The following CNTN6 variants were observed in gnomAD, a reference collection of about 807,000 sequenced individuals.
The protein encoded by CNTN6 is contactin-6.
A neutral mutation model predicts 122.8 loss-of-function variants in CNTN6; 137 were observed. The ratio of observed to expected loss-of-function variants is 1.12; its 90% confidence interval spans 0.97 to 1.29. The LOEUF is 1.29. Ranked by LOEUF, CNTN6 falls within the 50% of genes most tolerant of loss-of-function variation. The pLI, the probability that CNTN6 is intolerant of heterozygous loss-of-function variation, is 0.00. For missense variants in CNTN6, 1,634 were observed against 1,223.4 expected (o/e 1.34, Z -5.01); for synonymous variants, 570 against 426.0 (o/e 1.34, Z -4.16).
chr3:1,300,557 A>AAAAGAAAGAAAGAAAG (rs202226482), intron 7 of CNTN6, among the ~76,000 whole-genome samples: 60 of 107,274 alleles, frequency 5.6e-4, no homozygotes, highest in South Asian at 1.2e-3. Context: ...AAGAGAAAGA[A>AAAAGAAAGAAAGAAAG]AAAGAAAGAA....
At chr3:1,202,465 C>CG (rs965018287) in intron 2 of CNTN6, among the ~76,000 whole-genome samples, 4 of 150,044 alleles carry the variant, frequency 2.7e-5, no homozygotes, top group Admixed American at 2.0e-4. Context: ...GCGGGAACCC[C>CG]GGGGGGCGGA....
rs3772342 is a variant in CNTN6 at position 1,232,347 on chromosome 3, A to G, written c.358+4354A>G. On this transcript the variant is annotated intron_variant, in intron 4 of 22. Transcript: ENST00000446702. ...TCCTCCAAGCAACCGGAGAACACCTAATTTATACCCATCAAGTACTACACT... is the reference window on the plus strand; with the variant it reads ...TCCTCCAAGCAACCGGAGAACACCTGATTTATACCCATCAAGTACTACACT... Among the ~76,000 whole-genome samples, 44 of 152,314 alleles carry G rather than the reference A, an allele frequency of 2.9e-4. No individual in the cohort carries two copies. In the East Asian group the frequency reaches 8.1e-3, roughly 28 times the overall value.
chr3:1,185,026 T>C (rs2093609348), intron 2 of CNTN6, among the ~76,000 whole-genome samples: 1 of 152,134 alleles, frequency 6.6e-6, no homozygotes, highest in African/African-American at 2.4e-5. Flanking sequence ...CAGTTCTAAC[T>C]ACAAGAAACA....
At chr3:1,310,780 T>A (rs1699106224) in intron 7 of CNTN6, among the ~76,000 whole-genome samples, 1 of 152,098 alleles carries the variant, frequency 6.6e-6, no homozygotes, top group African/African-American at 2.4e-5. Flanking sequence ...GGCGGGCAGA[T>A]CGCCTGAGGT....
At chr3:1,216,975 T>A (rs1455609910) in intron 2 of CNTN6, among the ~76,000 whole-genome samples, 2 of 152,198 alleles carry the variant, frequency 1.3e-5, no homozygotes, top group Admixed American at 1.3e-4. Context: ...TGATGGATGA[T>A]GATGATGATG....
chr3:1,124,897 G>A (rs372764330), intron 1 of CNTN6, among the ~76,000 whole-genome samples: 71 of 151,942 alleles, frequency 4.7e-4, no homozygotes, highest in African/African-American at 1.6e-3. Context: ...TTAAAATCAC[G>A]TGTTAATTTC....
chr3:1,308,856 T>G (rs1698784378), intron 7 of CNTN6, among the ~76,000 whole-genome samples: 2 of 152,162 alleles, frequency 1.3e-5, no homozygotes, highest in African/African-American at 2.4e-5. Flanking sequence ...ATTTCCTTGT[T>G]GTTTTAATTG....
intron 2 of CNTN6, among the ~76,000 whole-genome samples, chr3:1,200,408 AG>A (rs2093846366): frequency 6.6e-6 from 1 of 152,156 alleles, no homozygotes; most frequent in Non-Finnish European, 1.5e-5. Context: ...CTCACTGTGT[AG>A]TTGAATCTTG....
At chr3:1,176,500 G>A (rs1270707708) in intron 2 of CNTN6, among the ~76,000 whole-genome samples, 6 of 152,134 alleles carry the variant, frequency 3.9e-5, no homozygotes, top group South Asian at 2.1e-4. Context: ...AGCATGCAAC[G>A]GTGATGGAGA....
At chr3:1,179,844 T>G (rs1260220954) in intron 2 of CNTN6, among the ~76,000 whole-genome samples, 1 of 152,178 alleles carries the variant, frequency 6.6e-6, no homozygotes, top group Non-Finnish European at 1.5e-5. Context: ...CAAGGTTTTC[T>G]ACAGTGAGAA....
intron 2 of CNTN6, among the ~76,000 whole-genome samples, chr3:1,160,052 C>G (rs372020428): frequency 6.6e-6 from 1 of 152,176 alleles, no homozygotes; most frequent in East Asian, 1.9e-4. Context: ...AACTCCTGAC[C>G]TCGTGATCCA....
At chr3:1,117,735 G>T (rs62232366) in intron 1 of CNTN6, among the ~76,000 whole-genome samples, 2 of 152,288 alleles carry the variant, frequency 1.3e-5, no homozygotes, top group African/African-American at 4.8e-5. Flanking sequence ...CAGAAATGCT[G>T]ACTGGAAGTA....
chr3:1,215,775 A>G (rs2094121903), intron 2 of CNTN6, among the ~76,000 whole-genome samples: 1 of 150,804 alleles, frequency 6.6e-6, no homozygotes, highest in African/African-American at 2.4e-5. Flanking sequence ...TGTACAGAAA[A>G]TTCATTTTAC....
At chr3:1,263,879 C>T (rs1429323028) in intron 4 of CNTN6, among the ~76,000 whole-genome samples, 2 of 151,108 alleles carry the variant, frequency 1.3e-5, no homozygotes, top group South Asian at 4.2e-4. Flanking sequence ...GATTGGTTAG[C>T]CAAGGGAGGG....
chr3:1,226,955 A>T (rs2094292487), intron 3 of CNTN6, among the ~76,000 whole-genome samples: 1 of 152,194 alleles, frequency 6.6e-6, no homozygotes, highest in African/African-American at 2.4e-5. Flanking sequence ...CATTAGATAT[A>T]TACGATTCAT....
chr3:1,248,238 G>A (rs1229708739), intron 4 of CNTN6, among the ~76,000 whole-genome samples: 1 of 152,104 alleles, frequency 6.6e-6, no homozygotes, highest in Non-Finnish European at 1.5e-5. Context: ...ATTGATGTAA[G>A]TACATTTATG....
chr3:1,378,770 C>T (rs1017233878), intron 17 of CNTN6, among the ~76,000 whole-genome samples: 3 of 152,122 alleles, frequency 2.0e-5, no homozygotes, highest in Non-Finnish European at 4.4e-5. Flanking sequence ...AGCATTTGAA[C>T]ACAGGGTTCT....
chr3:1,357,700 A>G (rs1327861602), intron 12 of CNTN6, among the ~76,000 whole-genome samples: 1 of 151,956 alleles, frequency 6.6e-6, no homozygotes, highest in Non-Finnish European at 1.5e-5. Flanking sequence ...GAATAAAAGT[A>G]TAGTAACATG....
intron 1 of CNTN6, among the ~76,000 whole-genome samples, chr3:1,140,921 A>G (rs1359671156): frequency 6.6e-6 from 1 of 152,194 alleles, no homozygotes; most frequent in Non-Finnish European, 1.5e-5. Context: ...AACAATTATC[A>G]TAAGTGATAG....
Sources: gnomAD v4.1 joint callset for allele counts (sites outside exome capture counted in the v4.1 genomes callset) on GRCh38, gnomAD v4.1.1 for gene constraint, MANE v1.5 for transcripts, NCBI Gene and HGNC (gene_info 2026-07-23, HGNC 2026-07-21) for gene names.